The following ERGIC2 variants were observed in gnomAD, a reference collection of about 807,000 sequenced individuals.
ERGIC2 encodes the protein ERGIC and golgi 2, also known as endoplasmic reticulum-Golgi intermediate compartment protein 2.
In ERGIC2, 31 loss-of-function variants were observed where a neutral mutation model predicts 52.5. The observed-to-expected ratio is 0.59, with a 90% CI of 0.44 to 0.80. The LOEUF is 0.80. ERGIC2 is among the 30% of genes least tolerant of loss of function. The pLI, the probability that ERGIC2 is intolerant of heterozygous loss-of-function variation, is 0.00. For missense variants in ERGIC2, 395 were observed against 455.2 expected (o/e 0.87, Z 1.20); for synonymous variants, 129 against 140.6 (o/e 0.92, Z 0.58).
At chr12:29,370,053 G>T (rs1940419943) in intron 3 of ERGIC2, 61 bp downstream of exon 3, 3 of 1,379,000 alleles carry the variant, frequency 2.2e-6, no homozygotes, top group African/African-American at 1.5e-5. Flanking sequence ...TTTTTAAAAG[G>T]TATGCTCTTT....
chr12:29,374,292 G>A (rs551467988), intron 1 of ERGIC2, among the ~76,000 whole-genome samples: 3 of 152,078 alleles, frequency 2.0e-5, no homozygotes, highest in Admixed American at 6.6e-5. Flanking sequence ...TTTTCTTCTC[G>A]AAACATTCTC....
At chr12:29,365,349 G>A (rs564283787) in intron 5 of ERGIC2, among the ~76,000 whole-genome samples, 1 of 151,930 alleles carries the variant, frequency 6.6e-6, no homozygotes, top group Admixed American at 6.6e-5. Flanking sequence ...GCAAATAAAT[G>A]GCAGGACAGA....
chr12:29,338,074 T>A lies in ERGIC2; in HGVS notation c.*3082A>T, dbSNP rs908644985. ...CTGTAGTCCCAGCTACTCAACAGGCTGAGGCAGGAGAATCACTTGAACCCG... is the reference window on the plus strand; with the variant it reads ...CTGTAGTCCCAGCTACTCAACAGGCAGAGGCAGGAGAATCACTTGAACCCG... On this transcript the variant is annotated 3_prime_UTR_variant, in exon 14 of 14. Transcript: ENST00000360150. The A allele has an allele frequency of 4.6e-5, 7 of 150,834 alleles. No individual in the cohort carries two copies. Among genetic ancestry groups the A allele is most frequent in the African/African-American group, 1.7e-4 (7 of 40,810 alleles). 9.3% of individuals were successfully genotyped at this position (150,834 alleles called of 1,614,324 possible).
chr12:29,356,818 G>A (rs1415289376), intron 7 of ERGIC2, among the ~76,000 whole-genome samples: 1 of 152,114 alleles, frequency 6.6e-6, no homozygotes, highest in Non-Finnish European at 1.5e-5. Context: ...GTAGCAGGGA[G>A]AGGGAGGGAG....
chr12:29,353,841 C>A (rs1166208584), intron 8 of ERGIC2, among the ~76,000 whole-genome samples: 1 of 151,766 alleles, frequency 6.6e-6, no homozygotes, highest in Non-Finnish European at 1.5e-5. Context: ...GTACAGATGA[C>A]TGTAGTTATC....
chr12:29,358,512 C>T (rs370249377), intron 6 of ERGIC2, among the ~76,000 whole-genome samples: 27 of 152,024 alleles, frequency 1.8e-4, no homozygotes, highest in African/African-American at 3.1e-4. Flanking sequence ...ACACCAAGAA[C>T]GAACTCTAAT....
At chr12:29,378,182 C>A (rs977042890) in intron 1 of ERGIC2, among the ~76,000 whole-genome samples, 4 of 152,074 alleles carry the variant, frequency 2.6e-5, no homozygotes, top group East Asian at 3.9e-4. Context: ...TGTGAAGACA[C>A]AGAGAAACAC....
At chr12:29,362,484 C>T (rs958384178) in intron 5 of ERGIC2, among the ~76,000 whole-genome samples, 5 of 152,106 alleles carry the variant, frequency 3.3e-5, no homozygotes, top group African/African-American at 1.2e-4. Flanking sequence ...GTAATCCCAG[C>T]TACTCAAGAG....
In ERGIC2 at chr12:29,341,790, T is replaced by C. The variant is rs748000674; in HGVS notation, c.1015A>G (p.Ile339Val). 4 of 1,596,472 alleles carry C rather than the reference T, an allele frequency of 2.5e-6. No homozygotes were observed. The highest frequency in any genetic ancestry group is 1.7e-5 in the Admixed American group (1 of 59,958). The change falls in exon 13 of 14, where the codon ATA becomes GTA. Residue 339 changes from isoleucine (I) to valine (V), a missense_variant. Coordinates refer to ENST00000360150, the MANE Select transcript of ERGIC2 (RefSeq NM_016570.3). ...TGMLHGIGKF[I>V]VEIICCRFRL... ...AAACGACAGCAAATTATTTCAACTA[T>C]AAATTTTCCAATTCCATGTAACATG...
chr12:29,337,578 A>C lies in ERGIC2; in HGVS notation c.*3578T>G, dbSNP rs1028745499. 17 of 152,192 alleles carry C rather than the reference A, an allele frequency of 1.1e-4. No individual in the cohort carries two copies. Among genetic ancestry groups the C allele is most frequent in the Non-Finnish European group, 2.5e-4 (17 of 68,040 alleles). The allele number at this position is 152,192 out of a possible 1,614,324, so 9.4% of individuals were successfully genotyped here. A position where few individuals can be genotyped will look rare whatever the true frequency, so the allele number is the denominator to read the frequency against. Reference sequence around the variant, plus strand: ...ATCTTGATCCGGGCATTTTACCATAAGGTAGTAAACAACTGGTGACCTCTC... The same window carrying C: ...ATCTTGATCCGGGCATTTTACCATACGGTAGTAAACAACTGGTGACCTCTC... On this transcript the variant is annotated 3_prime_UTR_variant, in exon 14 of 14. Transcript: ENST00000360150.
In ERGIC2 at chr12:29,345,449, T is replaced by C. The variant is rs541896069; in HGVS notation, c.819A>G (p.Thr273=). 5.8e-6 allele frequency: 9 copies of C among 1,560,998 alleles called. No individual in the cohort carries two copies. The African/African-American group carries it at 1.2e-4, about 21-fold the overall frequency. The change falls in exon 11 of 14, where the codon ACA becomes ACG. Residue 273 remains threonine, a synonymous_variant. Coordinates refer to ENST00000360150, the MANE Select transcript of ERGIC2 (RefSeq NM_016570.3). The stretch of plus-strand genomic sequence containing the variant: ...CCGGTTGGATTCAACTTACCCTTTC[T>C]GTCACAGAAAACTGATGGGTGTCTG... ...ISADTHQFSV[T]ERERIINHAA...
chr12:29,350,388 T>G (rs1415496489), intron 8 of ERGIC2, among the ~76,000 whole-genome samples: 30 of 152,096 alleles, frequency 2.0e-4, no homozygotes, highest in Admixed American at 2.0e-3. Context: ...GATATAATAG[T>G]AATGAGTCCT....
intron 6 of ERGIC2, among the ~76,000 whole-genome samples, chr12:29,358,289 A>C (rs1322524101): frequency 2.6e-5 from 4 of 152,182 alleles, no homozygotes; most frequent in African/African-American, 9.7e-5. Flanking sequence ...GTCCTATTTT[A>C]TCTCTTTTAA....
intron 1 of ERGIC2, among the ~76,000 whole-genome samples, chr12:29,373,884 T>C (rs891507022): frequency 2.0e-5 from 3 of 152,224 alleles, no homozygotes; most frequent in Admixed American, 2.0e-4. Flanking sequence ...GTTATGTATA[T>C]GCCATGCCCG....
intron 1 of ERGIC2, among the ~76,000 whole-genome samples, chr12:29,377,337 G>C (rs901262993): frequency 6.6e-6 from 1 of 152,154 alleles, no homozygotes; most frequent in Non-Finnish European, 1.5e-5. Flanking sequence ...ATGGGGTATT[G>C]GTTCCAGGAC....
At chr12:29,363,841 A>C (rs1376853122) in intron 5 of ERGIC2, among the ~76,000 whole-genome samples, 1 of 151,970 alleles carries the variant, frequency 6.6e-6, no homozygotes, top group African/African-American at 2.4e-5. Flanking sequence ...ATGTGAAAAA[A>C]AAAAAAAAAG....
At chr12:29,378,807 G>C (rs575172525) in intron 1 of ERGIC2, among the ~76,000 whole-genome samples, 1 of 152,272 alleles carries the variant, frequency 6.6e-6, no homozygotes, top group South Asian at 2.1e-4. Flanking sequence ...CTTACTAGTT[G>C]TGTGACAAGT....
In ERGIC2 at chr12:29,340,800, T is replaced by C. The variant is rs578054000; in HGVS notation, c.*356A>G. 1.9e-4 allele frequency: 82 copies of C among 429,592 alleles called. No individual in the cohort carries two copies. In the East Asian group the frequency reaches 3.9e-3, roughly 20 times the overall value. 26.6% of individuals were successfully genotyped at this position (429,592 alleles called of 1,614,324 possible). ...TTGCACTTCTCAATGTTTTTTTTTT[T>C]CCCATAGATGTAGTTTCACTTATTT... On this transcript the variant is annotated 3_prime_UTR_variant, in exon 14 of 14. Coordinates refer to ENST00000360150, the MANE Select transcript of ERGIC2 (RefSeq NM_016570.3).
chr12:29,343,648 A>C (rs1949855931), intron 11 of ERGIC2, among the ~76,000 whole-genome samples: 3 of 152,192 alleles, frequency 2.0e-5, no homozygotes, highest in Admixed American at 2.0e-4. Flanking sequence ...AACTACTACC[A>C]AGGGAAATTA....
Sources: gnomAD v4.1 joint callset for allele counts (sites outside exome capture counted in the v4.1 genomes callset) on GRCh38, gnomAD v4.1.1 for gene constraint, MANE v1.5 for transcripts, NCBI Gene and HGNC (gene_info 2026-07-23, HGNC 2026-07-21) for gene names.